Variants in GPC6 observed in about 807,000 individuals in gnomAD.
GPC6 encodes the protein glypican 6, also known as glypican-6.
GPC6 carries 14 observed loss-of-function variants against 55.2 expected under a neutral mutation model. That is an observed-to-expected ratio of 0.25 (90% confidence interval 0.17 to 0.40). The LOEUF is 0.40. GPC6 is among the 10% of genes least tolerant of loss of function. GPC6 has a pLI of 1.00. For synonymous variants in GPC6, 278 were observed against 259.6 expected (o/e 1.07, Z -0.68); for missense variants, 641 against 708.5 (o/e 0.90, Z 1.08).
chr13:94,121,807 G>C (rs942438031), intron 4 of GPC6, among the ~76,000 whole-genome samples: 1 of 152,040 alleles, frequency 6.6e-6, no homozygotes, highest in Non-Finnish European at 1.5e-5. Context: ...TCCAGGGTCT[G>C]TGGATTTCTA....
At chr13:93,921,520 G>A (rs148247988) in intron 3 of GPC6, among the ~76,000 whole-genome samples, 6 of 152,138 alleles carry the variant, frequency 3.9e-5, no homozygotes, top group African/African-American at 1.4e-4. Flanking sequence ...AGGGGATGGA[G>A]TAGGAAGATG....
At chr13:94,046,931 C>CAATGAAT (rs1883754843) in intron 4 of GPC6, among the ~76,000 whole-genome samples, 1 of 152,060 alleles carries the variant, frequency 6.6e-6, no homozygotes, top group Admixed American at 6.6e-5. Context: ...TATAGTTCGC[C>CAATGAAT]ACTACTGCGA....
At chr13:93,930,261 A>T (rs1368443515) in intron 3 of GPC6, among the ~76,000 whole-genome samples, 1,827 of 105,368 alleles carry the variant, frequency 0.017, 66 homozygotes, top group African/African-American at 0.065. Flanking sequence ...TTTAAAGGTT[A>T]TTGGAAACGA....
At chr13:94,091,521 A>G (rs1483488943) in intron 4 of GPC6, among the ~76,000 whole-genome samples, 1 of 152,182 alleles carries the variant, frequency 6.6e-6, no homozygotes, top group Non-Finnish European at 1.5e-5. Context: ...TTGGGTAACA[A>G]AGCAGGCAGA....
At chr13:93,351,884 T>C (rs937557977) in intron 1 of GPC6, among the ~76,000 whole-genome samples, 1 of 152,144 alleles carries the variant, frequency 6.6e-6, no homozygotes, top group Non-Finnish European at 1.5e-5. Flanking sequence ...AAGGTAATTA[T>C]TAAGGATAAG....
In GPC6 at chr13:94,059,499, T is replaced by G. The variant is rs75282012; in HGVS notation, c.877+31605T>G. 7.4e-3 allele frequency among the ~76,000 whole-genome samples: 1,131 copies of G among 152,102 alleles called. 15 individuals carry two copies. Among genetic ancestry groups the G allele is most frequent in the African/African-American group, 0.025 (1,042 of 41,508 alleles). On this transcript the variant is annotated intron_variant, in intron 4 of 8. Transcript: ENST00000377047. ...GCCAACAGGGAGCAGGATAAAGAGG[T>G]TCAAGGATTGGAATGGGTTTAAAAC...
intron 1 of GPC6, among the ~76,000 whole-genome samples, chr13:93,523,455 A>G (rs1267555681): frequency 3.1e-5 from 1 of 32,504 alleles, no homozygotes; most frequent in African/African-American, 1.2e-4. Flanking sequence ...ACACACACAT[A>G]CACACATATG....
intron 2 of GPC6, among the ~76,000 whole-genome samples, chr13:93,751,240 C>A (rs1739006882): frequency 6.6e-6 from 1 of 152,090 alleles, no homozygotes. Context: ...GAGGCAGACT[C>A]AGGTTTTCTC....
At chr13:94,156,840 A>G (rs1191239420) in intron 4 of GPC6, among the ~76,000 whole-genome samples, 1 of 152,190 alleles carries the variant, frequency 6.6e-6, no homozygotes, top group African/African-American at 2.4e-5. Flanking sequence ...TCTCACAGCT[A>G]TATTGATAGC....
intron 3 of GPC6, among the ~76,000 whole-genome samples, chr13:93,999,034 A>AT (rs1311068525): frequency 1.3e-5 from 2 of 151,952 alleles, no homozygotes; most frequent in African/African-American, 2.4e-5. Context: ...ATGAGTTTGA[A>AT]TTTTTTTTAT....
intron 5 of GPC6, among the ~76,000 whole-genome samples, chr13:94,294,599 G>A (rs1221406160): frequency 6.6e-6 from 1 of 151,916 alleles, no homozygotes; most frequent in African/African-American, 2.4e-5. Flanking sequence ...TTATAGCCTT[G>A]ATTATTACAG....
chr13:94,094,170 A>T lies in GPC6; in HGVS notation c.877+66276A>T, dbSNP rs747329436. Among the ~76,000 whole-genome samples the T allele has an allele frequency of 1.6e-4, 24 of 150,854 alleles. 1 individual carries two copies. The highest frequency in any genetic ancestry group is 2.4e-4 in the Non-Finnish European group (16 of 67,536). ...TTGAGGGTGTTACTTTATTATGTCTAAAAAAAAATGAAACAGCTGAAGTCT... is the reference window on the plus strand; with the variant it reads ...TTGAGGGTGTTACTTTATTATGTCTTAAAAAAAATGAAACAGCTGAAGTCT... On this transcript the variant is annotated intron_variant, in intron 4 of 8. Coordinates refer to ENST00000377047, the MANE Select transcript of GPC6 (RefSeq NM_005708.5).
Position 94,286,462 on chromosome 13 carries a change from A to G in GPC6, c.991A>G (p.Met331Val). Residue 331 changes from methionine to valine, a missense_variant, in exon 5 of 9, where the codon ATG becomes GTG. Transcript: ENST00000377047. ...EAIMNMQENS[M>V]QVSAKVFQGC... ...CATTATGAACATGCAAGAAAACAGCATGCAGGTGTCTGCAAAGGTATTTGC... is the reference window on the plus strand; with the variant it reads ...CATTATGAACATGCAAGAAAACAGCGTGCAGGTGTCTGCAAAGGTATTTGC... 6.2e-7 allele frequency: 1 copy of G among 1,613,682 alleles called. No homozygotes were observed. Among genetic ancestry groups the G allele is most frequent in the Non-Finnish European group, 8.5e-7 (1 of 1,179,664 alleles).
chr13:93,623,101 T>C (rs905467938), intron 2 of GPC6, among the ~76,000 whole-genome samples: 1 of 152,234 alleles, frequency 6.6e-6, no homozygotes, highest in Non-Finnish European at 1.5e-5. Context: ...CATTCTTTCT[T>C]ATGGATGAGT....
Position 93,305,648 on chromosome 13 carries a change from G to T in GPC6, c.160+78032G>T, listed in dbSNP as rs74621198. Among the ~76,000 whole-genome samples, 220 of 152,132 alleles carry T rather than the reference G, an allele frequency of 1.4e-3. 1 individual carries two copies. Among genetic ancestry groups the T allele is most frequent in the Non-Finnish European group, 2.1e-3 (146 of 67,990 alleles). ...GTTCCATCCTAAATGTTTATTCTTT[G>T]TTACAGCTTTCACTTCCTTTCTTCT... is the stretch of plus-strand genomic sequence containing the variant. On this transcript the variant is annotated intron_variant, in intron 1 of 8. Coordinates refer to ENST00000377047, the MANE Select transcript of GPC6 (RefSeq NM_005708.5).
At chr13:93,237,762 C>G (rs1443071057) in intron 1 of GPC6, among the ~76,000 whole-genome samples, 3 of 150,662 alleles carry the variant, frequency 2.0e-5, no homozygotes, top group African/African-American at 7.4e-5. Flanking sequence ...AGATAGGGAT[C>G]CAGTTTTATT....
chr13:94,275,781 A>C (rs551372153), intron 4 of GPC6, among the ~76,000 whole-genome samples: 1 of 152,298 alleles, frequency 6.6e-6, no homozygotes, highest in African/African-American at 2.4e-5. Flanking sequence ...AAGAAGAGAA[A>C]GAGACAAAGC....
intron 3 of GPC6, among the ~76,000 whole-genome samples, chr13:93,912,646 G>A (rs1458506141): frequency 4.6e-5 from 7 of 152,188 alleles, no homozygotes; most frequent in South Asian, 4.1e-4. Flanking sequence ...GGGAGGCTGA[G>A]GCAGGAGAAT....
intron 3 of GPC6, among the ~76,000 whole-genome samples, chr13:93,976,383 A>G (rs1322000697): frequency 6.6e-6 from 1 of 151,994 alleles, no homozygotes; most frequent in Non-Finnish European, 1.5e-5. Flanking sequence ...AATTCAATTG[A>G]GGAGGTTTTG....
Sources: allele counts gnomAD v4.1 joint callset (sites outside exome capture counted in the v4.1 genomes callset), GRCh38; gene constraint gnomAD v4.1.1; transcripts MANE v1.5; gene names NCBI Gene and HGNC (gene_info 2026-07-23, HGNC 2026-07-21).